C1QTNF3: variants seen among roughly 807,000 people sequenced by gnomAD.
The protein encoded by C1QTNF3 is complement C1q tumor necrosis factor-related protein 3.
In C1QTNF3, 26 loss-of-function variants were observed where a neutral mutation model predicts 32.6. The ratio of observed to expected loss-of-function variants is 0.80; its 90% CI spans 0.58 to 1.11. C1QTNF3 has a LOEUF of 1.11. Ranked by LOEUF, C1QTNF3 falls within the 50% of genes least tolerant of loss-of-function variation. C1QTNF3 has a pLI of 0.00. For missense variants in C1QTNF3, 362 were observed against 398.2 expected (o/e 0.91, Z 0.77); for synonymous variants, 155 against 146.0 (o/e 1.06, Z -0.44).
At chr5:34,138,266 T>C in the C1QTNF3 span, among the ~76,000 whole-genome samples, 3 of 152,210 alleles carry the variant, frequency 2.0e-5, no homozygotes. Context: ...GATTTTGAAT[T>C]AAAATTATCT....
intron 5 of C1QTNF3, among the ~76,000 whole-genome samples, chr5:34,021,342 A>G (rs1391018054): frequency 6.6e-6 from 1 of 152,236 alleles, no homozygotes; most frequent in East Asian, 1.9e-4. Context: ...GACAGATCTA[A>G]TGCCTGTAGG....
intron 4 of C1QTNF3, among the ~76,000 whole-genome samples, chr5:34,027,735 C>CAAAA (rs34375086): frequency 9.6e-4 from 78 of 80,888 alleles, no homozygotes; most frequent in Non-Finnish European, 1.0e-3. Context: ...CCACCACCAC[C>CAAAA]AAAAAAAAAA....
At chr5:34,183,468 A>G in the C1QTNF3 span, among the ~76,000 whole-genome samples, 1 of 146,500 alleles carries the variant, frequency 6.8e-6, no homozygotes, top group East Asian at 2.0e-4. Flanking sequence ...GTACCTGGGA[A>G]TACAGGAATG....
chr5:34,077,855 G>A, the C1QTNF3 span, among the ~76,000 whole-genome samples: 3 of 151,416 alleles, frequency 2.0e-5, no homozygotes, highest in Admixed American at 2.0e-4. Flanking sequence ...CCAGCAGGAC[G>A]TGACGTTAAC....
At chr5:34,052,260 A>G in the C1QTNF3 span, among the ~76,000 whole-genome samples, 12 of 152,214 alleles carry the variant, frequency 7.9e-5, no homozygotes, top group African/African-American at 2.9e-4. Flanking sequence ...CCTTAACTAG[A>G]TATGTTCTTT....
At chr5:34,034,004 T>C (rs971723055) in intron 2 of C1QTNF3, among the ~76,000 whole-genome samples, 7 of 151,926 alleles carry the variant, frequency 4.6e-5, no homozygotes, top group African/African-American at 1.7e-4. Flanking sequence ...TTTACAAAAA[T>C]AGAAATTAAA....
chr5:34,063,228 CTT>C, the C1QTNF3 span, among the ~76,000 whole-genome samples: 3 of 152,028 alleles, frequency 2.0e-5, no homozygotes, highest in Admixed American at 1.3e-4. Context: ...TTCTTTCTCT[CTT>C]TGACTTTCTG....
Position 34,018,406 on chromosome 5 carries a change from A to G in C1QTNF3, c.*2177T>C, listed in dbSNP as rs1754246259. 6.6e-6 allele frequency among the ~76,000 whole-genome samples: 1 copy of G among 152,174 alleles called. No individual in the cohort carries two copies. Among genetic ancestry groups the G allele is most frequent in the Admixed American group, 6.5e-5 (1 of 15,270 alleles). ...CTAGCCCTTTGCCTTCTATGGCTGT[A>G]AAAACATTCTACTTTATGTTTTGTT... On this transcript the variant is annotated 3_prime_UTR_variant, in exon 6 of 6. Transcript: ENST00000382065.
At position 34,028,800 on chromosome 5, in the gene C1QTNF3, T is replaced by C. The variant is rs773449408; in HGVS notation, c.654A>G (p.Gly218=). The C allele has an allele frequency of 5.6e-6, 9 of 1,612,430 alleles. No individual in the cohort carries two copies. Among genetic ancestry groups the C allele is most frequent in the Non-Finnish European group, 7.6e-6 (9 of 1,179,200 alleles). ...TACCAGTCATGACATCAAAGAAGTTTCCAATGTTGGTCTCAACACTGCTGA... is the reference window on the plus strand; with the variant it reads ...TACCAGTCATGACATCAAAGAAGTTCCCAATGTTGGTCTCAACACTGCTGA... The part of the protein sequence containing the change: ...IIFSSVETNI[G]NFFDVMTGRF... Residue 218 remains glycine, a synonymous_variant, in exon 4 of 6, where the codon GGA becomes GGG. Coordinates refer to ENST00000382065, the MANE Select transcript of C1QTNF3 (RefSeq NM_181435.6).
chr5:34,131,460 T>C, the C1QTNF3 span, among the ~76,000 whole-genome samples: 8 of 151,806 alleles, frequency 5.3e-5, no homozygotes, highest in African/African-American at 1.9e-4. Context: ...ATATTTCTAA[T>C]AGAAACTATA....
At chr5:34,219,397 C>T in the C1QTNF3 span, among the ~76,000 whole-genome samples, 1 of 151,134 alleles carries the variant, frequency 6.6e-6, no homozygotes, top group Non-Finnish European at 1.5e-5. Context: ...CAAAATTTTA[C>T]TTAGGGAGTA....
the C1QTNF3 span, among the ~76,000 whole-genome samples, chr5:34,127,373 C>T: frequency 6.6e-6 from 1 of 151,924 alleles, no homozygotes; most frequent in South Asian, 2.1e-4. Flanking sequence ...AAAGTCCCGG[C>T]TGAGGTAGTC....
At chr5:34,026,018 G>A (rs1754450031) in intron 4 of C1QTNF3, among the ~76,000 whole-genome samples, 1 of 152,192 alleles carries the variant, frequency 6.6e-6, no homozygotes, top group Admixed American at 6.5e-5. Flanking sequence ...AAGCATTTGT[G>A]AAAATCTGAC....
At chr5:34,215,502 C>CACTG in the C1QTNF3 span, among the ~76,000 whole-genome samples, 3 of 152,208 alleles carry the variant, frequency 2.0e-5, no homozygotes, top group Non-Finnish European at 4.4e-5. Context: ...CTTTAACCCA[C>CACTG]ACTGCTGCTG....
At chr5:34,136,920 G>C in the C1QTNF3 span, among the ~76,000 whole-genome samples, 2 of 151,978 alleles carry the variant, frequency 1.3e-5, no homozygotes, top group Non-Finnish European at 2.9e-5. Flanking sequence ...AACACTGCAT[G>C]TTCTCTCATA....
the C1QTNF3 span, among the ~76,000 whole-genome samples, chr5:34,061,623 C>A: frequency 2.6e-5 from 4 of 152,208 alleles, no homozygotes; most frequent in African/African-American, 9.6e-5. Context: ...ATGGAAGCTG[C>A]AAGTTTTGAG....
At chr5:34,173,413 T>C in the C1QTNF3 span, among the ~76,000 whole-genome samples, 1 of 143,492 alleles carries the variant, frequency 7.0e-6, no homozygotes, top group Non-Finnish European at 1.5e-5. Context: ...CTTGGTTGAA[T>C]GTTATAAAAT....
the C1QTNF3 span, among the ~76,000 whole-genome samples, chr5:34,161,090 G>C: frequency 6.6e-6 from 1 of 152,118 alleles, no homozygotes; most frequent in East Asian, 1.9e-4. Context: ...CTTGGCAGCT[G>C]GAGATCGCTC....
At chr5:34,143,424 A>G in the C1QTNF3 span, among the ~76,000 whole-genome samples, 2 of 152,216 alleles carry the variant, frequency 1.3e-5, no homozygotes, top group Non-Finnish European at 2.9e-5. Context: ...TTCAAGAAAG[A>G]GAGAGCATTC....
Sources: allele counts gnomAD v4.1 joint callset (sites outside exome capture counted in the v4.1 genomes callset), GRCh38; gene constraint gnomAD v4.1.1; transcripts MANE v1.5; gene names NCBI Gene and HGNC (gene_info 2026-07-23, HGNC 2026-07-21).